TBC1D32: variants seen among roughly 807,000 people sequenced by gnomAD.
TBC1D32 encodes TBC1 domain family member 32, also known as protein broad-minded.
In TBC1D32, 151 loss-of-function variants were observed where a neutral mutation model predicts 170.3. The ratio of observed to expected loss-of-function variants is 0.89; its 90% CI spans 0.78 to 1.01. The LOEUF (loss-of-function observed/expected upper bound fraction) is 1.01, where lower values mean the gene tolerates loss of function less well. TBC1D32 is among the 50% of genes least tolerant of loss of function. The probability of loss-of-function intolerance (pLI) is 0.00; values close to 1 mark genes in which losing one functional copy is unlikely to be tolerated. For synonymous variants in TBC1D32, 498 were observed against 488.0 expected (o/e 1.02, Z -0.27); for missense variants, 1,464 against 1,457.1 (o/e 1.00, Z -0.08).
At chr6:121,200,698 T>C (rs1294866540) in intron 22 of TBC1D32, among the ~76,000 whole-genome samples, 3 of 151,514 alleles carry the variant, frequency 2.0e-5, no homozygotes, top group African/African-American at 4.9e-5. Flanking sequence ...GGAAGGACCA[T>C]AAAGGCAAGA....
At chr6:121,151,148 T>C (rs1784162366) in intron 24 of TBC1D32, among the ~76,000 whole-genome samples, 1 of 152,198 alleles carries the variant, frequency 6.6e-6, no homozygotes, top group Non-Finnish European at 1.5e-5. Flanking sequence ...TTTAGTGCTA[T>C]AAATTTCCCT....
chr6:121,310,670 C>A (rs1039100193), intron 4 of TBC1D32, 109 bp downstream of exon 4: 1 of 729,586 alleles, frequency 1.4e-6, no homozygotes, highest in South Asian at 1.7e-5. Context: ...TGCCCATAAT[C>A]ATAAAGGCTT....
rs1213648784 is a variant in TBC1D32 at position 121,112,566 on chromosome 6, A to T, written c.3263T>A (p.Leu1088His). 5 of 1,611,348 alleles carry T rather than the reference A, an allele frequency of 3.1e-6. No homozygotes were observed. The highest frequency in any genetic ancestry group is 4.2e-6 in the Non-Finnish European group (5 of 1,178,296). Reference sequence around the variant, plus strand: ...AGTCAGAAGCCTGGAGAATTGATGAAGAAATTGGAATGTTTTTTCTTTGTC... The same window carrying T: ...AGTCAGAAGCCTGGAGAATTGATGATGAAATTGGAATGTTTTTTCTTTGTC... ...LGDKEKTFQF[L>H]HQFSRLLTSA... Residue 1088 changes from leucine to histidine, a missense_variant, in exon 29 of 32, where the codon CTT becomes CAT. Physicochemically the swap from Leu to His is moderately conservative, Grantham distance 99. This residue lies in a region of TBC1D32 where 1,363 missense variants were observed against 1,338.1 expected (regional missense o/e 1.02). Transcript: ENST00000398212.
chr6:121,242,066 T>C (rs1372351364), intron 18 of TBC1D32, 135 bp downstream of exon 18: 2 of 858,014 alleles, frequency 2.3e-6, no homozygotes, highest in Non-Finnish European at 3.4e-6. Context: ...AAAAATCAAG[T>C]TGACTATTAC....
chr6:121,304,338 G>C, intron 8 of TBC1D32, 27 bp downstream of exon 8: 1 of 1,609,310 alleles, frequency 6.2e-7, no homozygotes, highest in Non-Finnish European at 8.5e-7. Flanking sequence ...TAGGTTTTAT[G>C]CTGGCATACA....
At chr6:121,195,897 C>T (rs1244261881) in intron 22 of TBC1D32, among the ~76,000 whole-genome samples, 1 of 152,136 alleles carries the variant, frequency 6.6e-6, no homozygotes, top group Non-Finnish European at 1.5e-5. Flanking sequence ...GTGCACTTTG[C>T]ATGGAAGGAG....
intron 15 of TBC1D32, among the ~76,000 whole-genome samples, chr6:121,257,021 C>T (rs2128397851): frequency 1.3e-5 from 2 of 152,212 alleles, no homozygotes; most frequent in South Asian, 4.2e-4. Context: ...AATAAATGCT[C>T]AGAATTTACA....
At position 121,281,991 on chromosome 6, in the gene TBC1D32, T is replaced by G. The variant is rs571398537; in HGVS notation, c.1466-305A>C. Among the ~76,000 whole-genome samples the G allele has an allele frequency of 4.0e-5, 6 of 151,894 alleles. No homozygotes were observed. In the East Asian group the frequency reaches 9.6e-4, roughly 24 times the overall value. ...TATTAAAGATTTGGTCTGAAGCAAA[T>G]GTACAGCTTTTTTCCTCCTAGAAAA... On this transcript the variant is annotated intron_variant, in intron 13 of 31. Transcript: ENST00000398212.
At chr6:121,188,659 T>C (rs1336481666) in intron 22 of TBC1D32, among the ~76,000 whole-genome samples, 1 of 152,172 alleles carries the variant, frequency 6.6e-6, no homozygotes, top group African/African-American at 2.4e-5. Flanking sequence ...GAATTAAAAG[T>C]GGCAGCCTCT....
chr6:121,114,081 G>A (rs1048388604), intron 27 of TBC1D32, among the ~76,000 whole-genome samples: 1 of 152,112 alleles, frequency 6.6e-6, no homozygotes, highest in Non-Finnish European at 1.5e-5. Context: ...GCCTGAGGCA[G>A]GAGAATCACC....
At chr6:121,112,232 T>C (rs1345759885) in intron 29 of TBC1D32, among the ~76,000 whole-genome samples, 2 of 152,098 alleles carry the variant, frequency 1.3e-5, no homozygotes, top group Non-Finnish European at 2.9e-5. Context: ...AGAATTTAAC[T>C]GATATAACTA....
intron 15 of TBC1D32, among the ~76,000 whole-genome samples, chr6:121,278,649 T>A (rs1802551906): frequency 6.6e-6 from 1 of 152,114 alleles, no homozygotes; most frequent in African/African-American, 2.4e-5. Context: ...AAAATTCCCA[T>A]AGTTATAAAA....
intron 22 of TBC1D32, 145 bp from the exon 23 acceptor site, chr6:121,161,201 A>AT: frequency 1.4e-6 from 1 of 691,530 alleles, no homozygotes; most frequent in Non-Finnish European, 2.4e-6. Flanking sequence ...CATTTATATA[A>AT]TTTTATTAAG....
intron 22 of TBC1D32, among the ~76,000 whole-genome samples, chr6:121,169,062 A>T (rs1786565934): frequency 1.5e-5 from 1 of 68,916 alleles, no homozygotes; most frequent in Non-Finnish European, 6.0e-5. Flanking sequence ...AATCAGAAAA[A>T]AAATATTTTA....
chr6:121,305,491 C>T (rs1807193939), intron 5 of TBC1D32, among the ~76,000 whole-genome samples: 1 of 151,868 alleles, frequency 6.6e-6, no homozygotes, highest in Non-Finnish European at 1.5e-5. Flanking sequence ...TGAAATTCAA[C>T]TTTCCATTAA....
At chr6:121,326,745 G>C (rs1406265210) in intron 1 of TBC1D32, among the ~76,000 whole-genome samples, 1 of 151,640 alleles carries the variant, frequency 6.6e-6, no homozygotes, top group African/African-American at 2.4e-5. Context: ...AGAGGTTACT[G>C]CTCTTTTCAA....
intron 21 of TBC1D32, among the ~76,000 whole-genome samples, chr6:121,220,171 G>A (rs1388921743): frequency 4.6e-5 from 7 of 152,196 alleles, no homozygotes; most frequent in Non-Finnish European, 8.8e-5. Flanking sequence ...AAGTGACTAA[G>A]CTTGTTGAGG....
At chr6:121,212,450 C>CTTTTTTTTTTTTTTTTTTTT (rs3076854) in intron 21 of TBC1D32, among the ~76,000 whole-genome samples, 1 of 102,100 alleles carries the variant, frequency 9.8e-6, no homozygotes, top group Non-Finnish European at 2.1e-5. Context: ...GTCAATATCT[C>CTTTTTTTTTTTTTTTTTTTT]TTTTTTTTTT....
chr6:121,255,530 T>TAATTATATTTTATAATTTTATTTA (rs1280529108), intron 16 of TBC1D32, 120 bp from the exon 17 acceptor site: 1 of 241,908 alleles, frequency 4.1e-6, no homozygotes, highest in African/African-American at 2.4e-5. Context: ...TTTATATTTC[T>TAATTATATTTTATAATTTTATTTA]TACTGATAGC....
Sources: gnomAD v4.1 joint callset for allele counts (sites outside exome capture counted in the v4.1 genomes callset) on GRCh38, gnomAD v4.1.1 for gene constraint, gnomAD v4.1.1 regional missense constraint, MANE v1.5 for transcripts, NCBI Gene and HGNC (gene_info 2026-07-23, HGNC 2026-07-21) for gene names.